Variants in SCN1A observed in about 807,000 individuals in gnomAD.
The protein encoded by SCN1A is sodium voltage-gated channel alpha subunit 1, also known as sodium channel protein type 1 subunit alpha.
In SCN1A, 13 loss-of-function variants were observed where a neutral mutation model predicts 193.7. The observed-to-expected ratio is 0.07, with a 90% CI of 0.04 to 0.11. The LOEUF (loss-of-function observed/expected upper bound fraction) is 0.11. Among genes scored for constraint, SCN1A ranks in the 10% least tolerant of loss-of-function variants. The pLI is 1.00. For missense variants in SCN1A, 1,432 were observed against 2,451.1 expected, an observed-to-expected ratio of 0.58 and a Z score of 8.78; for synonymous variants, 781 against 843.6, an observed-to-expected ratio of 0.93 and a Z score of 1.29.
At chr2:166,120,271 A>G (rs1000904909) in intron 2 of SCN1A, among the ~76,000 whole-genome samples, 1 of 151,382 alleles carries the variant, frequency 6.6e-6, no homozygotes, top group African/African-American at 2.4e-5. Context: ...TTCTATTTTT[A>G]AAACAAAAAC....
chr2:166,038,761 TATTA>T (rs1193312070), intron 17 of SCN1A, among the ~76,000 whole-genome samples: 3 of 152,228 alleles, frequency 2.0e-5, no homozygotes, highest in Admixed American at 6.5e-5. Flanking sequence ...TGCTGAAAGA[TATTA>T]ATTTGCCAGT....
At chr2:166,104,962 G>A (rs1032904864) in intron 2 of SCN1A, among the ~76,000 whole-genome samples, 2 of 152,120 alleles carry the variant, frequency 1.3e-5, no homozygotes, top group Admixed American at 6.6e-5. Flanking sequence ...AATAAAAATA[G>A]CAAAAGAAAT....
Position 165,992,545 on chromosome 2 carries a change from A to T in SCN1A, c.4853-123T>A, listed in dbSNP as rs1689402869. 1.4e-6 allele frequency: 1 copy of T among 736,030 alleles called. No individual in the cohort carries two copies. The allele number at this position is 736,030 out of a possible 1,614,324, so 45.6% of individuals were successfully genotyped here. On this transcript the variant is annotated intron_variant, in intron 28 of 28. Transcript: ENST00000674923. This position sits in a 1 kb window ranked among gnomAD's most constrained non-coding sequence, Gnocchi z 6.5. ...GAACCCAGTTATATTAAATATGACA[A>T]CTATATATAATATATATATAATTGT...
intron 2 of SCN1A, among the ~76,000 whole-genome samples, chr2:166,087,532 C>T (rs948601852): frequency 6.6e-6 from 1 of 152,154 alleles, no homozygotes. Context: ...CATGTGGTCT[C>T]TACCCCACAC....
chr2:166,101,510 TAAA>T (rs35742053), intron 2 of SCN1A, among the ~76,000 whole-genome samples: 3,077 of 143,706 alleles, frequency 0.021, 105 homozygotes, highest in African/African-American at 0.072. Context: ...AAAGTATAAT[TAAA>T]AAAAAAAAAA....
chr2:166,097,017 T>C (rs1687460016), intron 2 of SCN1A, among the ~76,000 whole-genome samples: 1 of 151,874 alleles, frequency 6.6e-6, no homozygotes, highest in African/African-American at 2.4e-5. Context: ...TGTGTTTTTT[T>C]TGTTTTTGTT....
upstream of SCN1A, among the ~76,000 whole-genome samples, chr2:166,129,849 T>A (rs1010061438): frequency 2.6e-5 from 4 of 152,084 alleles, no homozygotes; most frequent in Admixed American, 2.6e-4. Flanking sequence ...ATAGTTCTTC[T>A]CCCCTGATCC....
At chr2:166,066,746 G>A (rs1683884256) in intron 4 of SCN1A, among the ~76,000 whole-genome samples, 1 of 151,994 alleles carries the variant, frequency 6.6e-6, no homozygotes, top group African/African-American at 2.4e-5. Flanking sequence ...CATCTCCATT[G>A]TCAAAATGCT....
At chr2:166,054,800 AAC>A in intron 6 of SCN1A, 34 bp from the exon 7 acceptor site, 1 of 1,601,996 alleles carries the variant, frequency 6.2e-7, no homozygotes, top group Non-Finnish European at 8.5e-7. Context: ...TTGATAAAGT[AAC>A]AGTGTTTTTT....
chr2:166,137,555 C>T (rs1308496639), intron 1 of SCN1A: 2 of 152,754 alleles, frequency 1.3e-5, no homozygotes, highest in African/African-American at 2.4e-5. Flanking sequence ...CTCTTTTTGC[C>T]TGCTGCCATC....
intron 2 of SCN1A, among the ~76,000 whole-genome samples, chr2:166,091,518 T>C (rs1465319791): frequency 6.6e-6 from 1 of 152,130 alleles, no homozygotes; most frequent in Non-Finnish European, 1.5e-5. Flanking sequence ...GAAATAGGGA[T>C]ATAAAAACAT....
At chr2:166,010,026 G>C (rs937262261) in intron 22 of SCN1A, among the ~76,000 whole-genome samples, 185 bp from the exon 23 acceptor site, 1 of 149,946 alleles carries the variant, frequency 6.7e-6, no homozygotes, top group Admixed American at 6.7e-5. Context: ...GTAATTTTTA[G>C]GACATTAATT....
rs544610857 is a variant in SCN1A, at chr2:166,092,913, C to A, written c.-141-15112G>T. Among the ~76,000 whole-genome samples the A allele has an allele frequency of 2.6e-5, 4 of 152,106 alleles. No individual in the cohort carries two copies. In the East Asian group the frequency reaches 7.7e-4, roughly 29 times the overall value. ...CCCTCACTCCTTTTTTGAAATTGTC[C>A]TCCATGTAACCCATACTGAAAGTAT... On this transcript the variant is annotated intron_variant, in intron 2 of 28. Coordinates refer to ENST00000674923, the MANE Select transcript of SCN1A (RefSeq NM_001165963.4).
chr2:166,009,927 G>A, intron 22 of SCN1A, 86 bp from the exon 23 acceptor site: 4 of 1,303,818 alleles, frequency 3.1e-6, no homozygotes, highest in Non-Finnish European at 4.4e-6. Flanking sequence ...TATAATTTTT[G>A]CTTATAATTA....
At chr2:166,012,373 C>T in intron 21 of SCN1A, 91 bp from the exon 22 acceptor site, 2 of 1,007,946 alleles carry the variant, frequency 2.0e-6, no homozygotes, top group Non-Finnish European at 3.0e-6. Flanking sequence ...TATGACATTT[C>T]ATTGGAATAG....
Position 166,046,920 on chromosome 2 carries a change from C to G in SCN1A, c.1227G>C (p.Leu409Phe). Residue 409 changes from leucine (L) to phenylalanine (F), a missense_variant, in exon 12 of 29, where the codon TTG (leucine) becomes TTC (phenylalanine). Coordinates refer to ENST00000674923, the MANE Select transcript of SCN1A (RefSeq NM_001165963.4). ...YMIFFVLVIF[L>F]GSFYLINLIL... is the part of the protein sequence containing the mutation. ...TCAAATTTATTAGGTAGAATGAGCC[C>G]AAGAAAATGACCAATACAAAAAATA... The G allele has an allele frequency of 6.2e-7, 1 of 1,613,890 alleles. No individual in the cohort carries two copies. The highest frequency in any genetic ancestry group is 8.5e-7 in the Non-Finnish European group (1 of 1,179,872).
At chr2:166,125,695 A>G (rs554999444) in intron 2 of SCN1A, among the ~76,000 whole-genome samples, 11 of 152,176 alleles carry the variant, frequency 7.2e-5, no homozygotes, top group African/African-American at 2.7e-4. Context: ...TGCCCCTGGT[A>G]TCTCTGGTTG....
intron 2 of SCN1A, among the ~76,000 whole-genome samples, chr2:166,084,285 A>C (rs1365400388): frequency 3.8e-5 from 4 of 104,166 alleles, no homozygotes; most frequent in Non-Finnish European, 5.6e-5. Context: ...ACCCCTTCCC[A>C]CTCTGGACTG....
chr2:165,993,514 C>T (rs1689581995), intron 28 of SCN1A: 1 of 152,368 alleles, frequency 6.6e-6, no homozygotes, highest in South Asian at 2.1e-4. Context: ...AGCTATTGCT[C>T]ATGAGGCTAG....
Sources: allele counts gnomAD v4.1 joint callset (sites outside exome capture counted in the v4.1 genomes callset), GRCh38; gene constraint gnomAD v4.1.1; non-coding constraint Gnocchi (gnomAD v3.1); transcripts MANE v1.5; gene names NCBI Gene and HGNC (gene_info 2026-07-23, HGNC 2026-07-21).